Variants in MTHFD2L observed in about 807,000 individuals in gnomAD.
The protein encoded by MTHFD2L is methylenetetrahydrofolate dehydrogenase (NADP+ dependent) 2 like.
A neutral mutation model predicts 34.9 loss-of-function variants in MTHFD2L; 29 were observed. That is an observed-to-expected ratio of 0.83 (90% CI 0.62 to 1.13). The LOEUF is 1.13. MTHFD2L is among the 50% of genes most tolerant of loss of function. The pLI is 0.00. For missense variants in MTHFD2L, 481 were observed against 446.5 expected (o/e 1.08, Z -0.70); for synonymous variants, 167 against 155.7 (o/e 1.07, Z -0.54).
Position 74,158,159 on chromosome 4 carries a change from C to G in MTHFD2L, c.21C>G (p.Gly7=). The stretch of plus-strand genomic sequence containing the variant: ...CGGCCATGACGGTGCCGGTCCGCGG[C>G]TTCTCGCTGCTCCGCGGCCGCCTTG... MTVPVR[G]FSLLRGRLGR... is the part of the protein sequence containing the mutation. Residue 7 remains glycine (G), a synonymous_variant, in exon 1 of 8, where the codon GGC becomes GGG. Transcript: ENST00000325278. 1 of 1,529,982 alleles carries G rather than the reference C, an allele frequency of 6.5e-7. No homozygotes were observed. 94.8% of individuals were successfully genotyped at this position (1,529,982 alleles called of 1,614,324 possible). A position where few individuals can be genotyped will look rare whatever the true frequency, so the allele number is the denominator to read the frequency against.
At chr4:74,154,160 G>A (rs1724105687), upstream of MTHFD2L, among the ~76,000 whole-genome samples, 1 of 152,152 alleles carries the variant, frequency 6.6e-6, no homozygotes, top group African/African-American at 2.4e-5. Context: ...TGGGGTTACA[G>A]GTTTTGCAGG....
At chr4:74,246,782 T>A (rs1276505987) in intron 6 of MTHFD2L, among the ~76,000 whole-genome samples, 2 of 152,192 alleles carry the variant, frequency 1.3e-5, no homozygotes, top group Non-Finnish European at 2.9e-5. Flanking sequence ...AAAGATCAGA[T>A]AGGAGTAGAT....
At chr4:74,145,972 C>T (rs534159502) in intron 1 of MTHFD2L, among the ~76,000 whole-genome samples, 287 of 152,240 alleles carry the variant, frequency 1.9e-3, no homozygotes, top group South Asian at 3.5e-3. Context: ...AACCTCTTTT[C>T]TTCATAAATT....
chr4:74,210,211 A>G (rs1196818791), intron 5 of MTHFD2L, among the ~76,000 whole-genome samples: 2 of 152,226 alleles, frequency 1.3e-5, no homozygotes, highest in Non-Finnish European at 1.5e-5. Flanking sequence ...CCATTTATCA[A>G]TTTTGGCTTT....
intron 5 of MTHFD2L, among the ~76,000 whole-genome samples, chr4:74,222,166 A>G (rs1376386372): frequency 6.6e-6 from 1 of 151,950 alleles, no homozygotes; most frequent in Non-Finnish European, 1.5e-5. Context: ...TTCTCATTCT[A>G]ATTTTGGTAG....
intron 6 of MTHFD2L, among the ~76,000 whole-genome samples, chr4:74,281,104 C>T (rs1254012144): frequency 3.3e-5 from 5 of 151,896 alleles, no homozygotes; most frequent in African/African-American, 1.2e-4. Flanking sequence ...GTCTCATGTC[C>T]GCAGTCTCCC....
intron 6 of MTHFD2L, among the ~76,000 whole-genome samples, chr4:74,239,708 A>C (rs577927513): frequency 2.2e-4 from 33 of 152,312 alleles, no homozygotes; most frequent in African/African-American, 7.9e-4. Flanking sequence ...ATTGCAGGCA[A>C]TTCACTTAGA....
In MTHFD2L at chr4:74,170,090, C is replaced by T. The variant is rs377624411; in HGVS notation, c.144-4416C>T. Among the ~76,000 whole-genome samples, 26 of 152,238 alleles carry T rather than the reference C, an allele frequency of 1.7e-4. 1 individual carries two copies. The East Asian group carries it at 3.5e-3, about 20-fold the overall frequency. Reference sequence around the variant, plus strand: ...AATGCCAATTCTTTACACACTCTTCCGGAAATTTGAAGAGGATAGAATTCT... The same window carrying T: ...AATGCCAATTCTTTACACACTCTTCTGGAAATTTGAAGAGGATAGAATTCT... On this transcript the variant is annotated intron_variant, in intron 1 of 7. Transcript: ENST00000325278.
At position 74,188,739 on chromosome 4, in the gene MTHFD2L, T is replaced by TGTATATATATGG. The variant is rs1553905439; in HGVS notation, c.452-11045_452-11044insGGGTATATATAT. 2.2e-3 allele frequency among the ~76,000 whole-genome samples: 6 copies of TGTATATATATGG among 2,686 alleles called. 1 individual carries two copies. In the East Asian group the frequency reaches 0.36, roughly 160 times the overall value. The allele number at this position is 2,686 out of a possible 152,430, so 1.8% of individuals were successfully genotyped here. A position where few individuals can be genotyped will look rare whatever the true frequency, so the allele number is the denominator to read the frequency against. ...GGGTATATATATATGTGTATACATA[T>TGTATATATATGG]GTATATATATATGGGTATATATATA... is the stretch of plus-strand genomic sequence containing the variant. On this transcript the variant is annotated intron_variant, in intron 3 of 7. Transcript: ENST00000325278.
In MTHFD2L at chr4:74,174,683, T is replaced by A. The variant is rs371387195; in HGVS notation, c.321T>A (p.Ser107=). 32 of 1,514,162 alleles carry A rather than the reference T, an allele frequency of 2.1e-5. No homozygotes were observed. The highest frequency in any genetic ancestry group is 2.8e-5 in the Non-Finnish European group (32 of 1,130,694). The allele number at this position is 1,514,162 out of a possible 1,614,324, so 93.8% of individuals were successfully genotyped here. A position where few individuals can be genotyped will look rare whatever the true frequency, so the allele number is the denominator to read the frequency against. The change falls in exon 2 of 8, where the codon TCT becomes TCA. Residue 107 remains serine (S), a synonymous_variant. Coordinates refer to ENST00000325278, the MANE Select transcript of MTHFD2L (RefSeq NM_001144978.3). ...TCAGGAATAAGATAAGAGCTGCCTC[T>A]GCTGTAGGTGGGTGTGTGTTTTAGT... The part of the protein sequence containing the change: ...TYVRNKIRAA[S]AVGICSELIL...
intron 2 of MTHFD2L, among the ~76,000 whole-genome samples, chr4:74,115,048 G>GT (rs1486864390): frequency 6.6e-6 from 1 of 152,184 alleles, no homozygotes; most frequent in Non-Finnish European, 1.5e-5. Context: ...GTACATCACA[G>GT]TAAGTGTTTT....
rs138234313 is a variant in MTHFD2L, at chr4:74,254,417, G to A, written c.806-27008G>A. On this transcript the variant is annotated intron_variant, in intron 6 of 7. Transcript: ENST00000325278. ...TGAATCATCTTAAACAAGAGAACCC[G>A]CATAAGATTTCTCAGCAGTGGATTT... Among the ~76,000 whole-genome samples the A allele has an allele frequency of 2.7e-4, 41 of 152,234 alleles. 1 individual carries two copies. Among genetic ancestry groups the A allele is most frequent in the Admixed American group, 1.2e-3 (18 of 15,288 alleles).
chr4:74,252,265 C>A (rs959343956), intron 6 of MTHFD2L, among the ~76,000 whole-genome samples: 1 of 152,030 alleles, frequency 6.6e-6, no homozygotes, highest in Admixed American at 6.6e-5. Flanking sequence ...ACTGCAAGGC[C>A]TGTTCTGTAC....
intron 6 of MTHFD2L, among the ~76,000 whole-genome samples, chr4:74,277,806 T>G (rs1322902599): frequency 7.8e-6 from 1 of 128,470 alleles, no homozygotes; most frequent in African/African-American, 4.0e-5. Flanking sequence ...GGTGTATGCA[T>G]TTGTTTGTTT....
chr4:74,184,527 A>G (rs917945344), intron 3 of MTHFD2L, among the ~76,000 whole-genome samples: 2 of 152,202 alleles, frequency 1.3e-5, no homozygotes, highest in Non-Finnish European at 2.9e-5. Context: ...CATGAACCAA[A>G]AGCTAATATA....
At chr4:74,154,886 TG>T (rs1369906527), upstream of MTHFD2L, among the ~76,000 whole-genome samples, 1 of 152,146 alleles carries the variant, frequency 6.6e-6, no homozygotes, top group Non-Finnish European at 1.5e-5. Flanking sequence ...TATAAATATT[TG>T]TATATGTAAC....
At chr4:74,298,238 G>A (rs748009289) in intron 7 of MTHFD2L, among the ~76,000 whole-genome samples, 39 of 151,872 alleles carry the variant, frequency 2.6e-4, no homozygotes, top group Non-Finnish European at 4.7e-4. Context: ...CTTCTGCCTC[G>A]TGAATAATTT....
At chr4:74,117,281 A>C (rs1262882010) in intron 2 of MTHFD2L, among the ~76,000 whole-genome samples, 1 of 152,220 alleles carries the variant, frequency 6.6e-6, no homozygotes, top group Non-Finnish European at 1.5e-5. Flanking sequence ...ACCCAGAATG[A>C]CTGTGAAAGA....
At chr4:74,255,009 C>T (rs1467358191) in intron 6 of MTHFD2L, among the ~76,000 whole-genome samples, 1 of 151,700 alleles carries the variant, frequency 6.6e-6, no homozygotes, top group East Asian at 1.9e-4. Context: ...GTGGCAGGTG[C>T]CTGTAATCCC....
Sources: gnomAD v4.1 joint callset for allele counts (sites outside exome capture counted in the v4.1 genomes callset) on GRCh38, gnomAD v4.1.1 for gene constraint, MANE v1.5 for transcripts, NCBI Gene and HGNC (gene_info 2026-07-23, HGNC 2026-07-21) for gene names.